The following CACNG2 variants were observed in gnomAD, a reference collection of about 807,000 sequenced individuals.
CACNG2 encodes the protein voltage-dependent calcium channel gamma-2 subunit.
A neutral mutation model predicts 25.9 loss-of-function variants in CACNG2; 3 were observed. The observed-to-expected ratio is 0.12, with a 90% CI of 0.05 to 0.30. The LOEUF (loss-of-function observed/expected upper bound fraction) is 0.30. Ranked by LOEUF, CACNG2 falls within the 10% of genes least tolerant of loss-of-function variation. CACNG2 has a pLI of 1.00. For missense variants in CACNG2, 341 were observed against 432.5 expected (o/e 0.79, Z 1.88); for synonymous variants, 167 against 173.3 (o/e 0.96, Z 0.29).
chr22:36,660,303 G>A (rs1036828274), intron 1 of CACNG2, among the ~76,000 whole-genome samples: 3 of 151,866 alleles, frequency 2.0e-5, no homozygotes, highest in Non-Finnish European at 3.0e-5. Context: ...TACCCTTGCC[G>A]GGGGGCAGTT....
At chr22:36,664,605 G>C (rs2284002) in intron 1 of CACNG2, among the ~76,000 whole-genome samples, 49,465 of 152,052 alleles carry the variant, frequency 0.33, 8,321 homozygotes, top group Middle Eastern at 0.43. Flanking sequence ...GGAATCTGAA[G>C]CTAGATTTGA....
At chr22:36,660,076 G>C (rs1434540360) in intron 1 of CACNG2, among the ~76,000 whole-genome samples, 1 of 152,246 alleles carries the variant, frequency 6.6e-6, no homozygotes, top group African/African-American at 2.4e-5. Context: ...GGGCCTCCCA[G>C]GTCAGCTCTC....
chr22:36,577,990 G>T (rs887404615), intron 2 of CACNG2, among the ~76,000 whole-genome samples: 6 of 152,086 alleles, frequency 3.9e-5, no homozygotes, highest in Non-Finnish European at 7.4e-5. Flanking sequence ...GTGCCGGGCT[G>T]GGGCAGGTCA....
At chr22:36,619,473 G>T (rs1569031432) in intron 1 of CACNG2, among the ~76,000 whole-genome samples, 2 of 152,222 alleles carry the variant, frequency 1.3e-5, no homozygotes, top group African/African-American at 4.8e-5. Flanking sequence ...TTTTGCCGAA[G>T]TGTCTATTGA....
chr22:36,608,189 T>C (rs1051881362), intron 1 of CACNG2, among the ~76,000 whole-genome samples: 8 of 152,052 alleles, frequency 5.3e-5, no homozygotes, highest in Admixed American at 2.0e-4. Context: ...AAGAGAGAAT[T>C]TCTACAGTAG....
intron 1 of CACNG2, among the ~76,000 whole-genome samples, chr22:36,598,706 C>T (rs1365001045): frequency 1.3e-5 from 2 of 149,516 alleles, no homozygotes; most frequent in Non-Finnish European, 3.0e-5. Flanking sequence ...TGGCCGAGCA[C>T]GGTGGCTCAC....
At chr22:36,691,924 C>T (rs561430285) in intron 1 of CACNG2, among the ~76,000 whole-genome samples, 1 of 152,254 alleles carries the variant, frequency 6.6e-6, no homozygotes, top group Non-Finnish European at 1.5e-5. Context: ...CAAGAGCTAT[C>T]AACACTAGCG....
intron 1 of CACNG2, among the ~76,000 whole-genome samples, chr22:36,622,113 G>C (rs1048520297): frequency 9.9e-5 from 15 of 152,244 alleles, no homozygotes; most frequent in Non-Finnish European, 2.2e-4. Context: ...GAGGCACAGA[G>C]AAGTTTAGTG....
intron 1 of CACNG2, among the ~76,000 whole-genome samples, chr22:36,657,199 G>A (rs1366513098): frequency 1.3e-5 from 2 of 152,212 alleles, no homozygotes; most frequent in Admixed American, 6.5e-5. Flanking sequence ...CATCTTAATG[G>A]TTGATAATTA....
chr22:36,671,409 G>A (rs567427774), intron 1 of CACNG2, among the ~76,000 whole-genome samples: 2 of 152,240 alleles, frequency 1.3e-5, no homozygotes, highest in South Asian at 4.1e-4. Flanking sequence ...ATTGACAGCT[G>A]ATTGGCTTAA....
intron 1 of CACNG2, among the ~76,000 whole-genome samples, chr22:36,632,187 A>T (rs188258799): frequency 0.068 from 10,211 of 149,800 alleles, 669 homozygotes; most frequent in African/African-American, 0.17. Context: ...TTTTTTTTTA[A>T]AAAAATGAGA....
intron 2 of CACNG2, among the ~76,000 whole-genome samples, chr22:36,586,092 C>T (rs992345078): frequency 6.6e-6 from 1 of 152,270 alleles, no homozygotes; most frequent in African/African-American, 2.4e-5. Flanking sequence ...CCCCCTTCTA[C>T]ATTCAGGCCT....
intron 1 of CACNG2, among the ~76,000 whole-genome samples, chr22:36,659,833 C>T (rs958505788): frequency 6.6e-5 from 10 of 152,074 alleles, no homozygotes; most frequent in African/African-American, 2.4e-4. Flanking sequence ...CCTCCCCCAG[C>T]CTGCCACCCC....
At chr22:36,678,982 G>A (rs537662119) in intron 1 of CACNG2, among the ~76,000 whole-genome samples, 30 of 152,270 alleles carry the variant, frequency 2.0e-4, no homozygotes, top group Admixed American at 2.6e-4. Context: ...ATCAATGCTC[G>A]CAGCACAGCA....
intron 1 of CACNG2, among the ~76,000 whole-genome samples, chr22:36,650,508 G>A (rs539209344): frequency 6.6e-6 from 1 of 151,884 alleles, no homozygotes; most frequent in East Asian, 1.9e-4. Context: ...AGTATAGCTG[G>A]GACTATAAGC....
At chr22:36,648,587 C>T (rs757963978) in intron 1 of CACNG2, among the ~76,000 whole-genome samples, 1 of 152,120 alleles carries the variant, frequency 6.6e-6, no homozygotes, top group South Asian at 2.1e-4. Flanking sequence ...TTCTGACCTC[C>T]TACTTCACCC....
chr22:36,608,658 A>C (rs909179641), intron 1 of CACNG2, among the ~76,000 whole-genome samples: 9 of 151,830 alleles, frequency 5.9e-5, no homozygotes, highest in Admixed American at 4.6e-4. Context: ...TGATGCTATC[A>C]GACTACCTGG....
At chr22:36,593,225 C>A (rs1003513571) in intron 1 of CACNG2, among the ~76,000 whole-genome samples, 2 of 152,168 alleles carry the variant, frequency 1.3e-5, no homozygotes, top group South Asian at 4.1e-4. Context: ...TGAGGCAGCA[C>A]CGGCACATCA....
rs1047508316 is a variant in CACNG2 at position 36,703,084 on chromosome 22, G to A, written c.-508C>T. The A allele has an allele frequency of 6.3e-6, 1 of 157,934 alleles. No homozygotes were observed. The highest frequency in any genetic ancestry group is 2.4e-5 in the African/African-American group (1 of 41,468). The allele number at this position is 157,934 out of a possible 1,614,324, so 9.8% of individuals were successfully genotyped here. A position where few individuals can be genotyped will look rare whatever the true frequency, so the allele number is the denominator to read the frequency against. The stretch of plus-strand genomic sequence containing the variant: ...ACCTTCGGTCTTCGTTCTCGGCTCT[G>A]CGGCCTGCGCCATGAAAATCCTTTG... On this transcript the variant is annotated 5_prime_UTR_variant, in exon 1 of 4. Transcript: ENST00000300105.
Sources: allele counts gnomAD v4.1 joint callset (sites outside exome capture counted in the v4.1 genomes callset), GRCh38; gene constraint gnomAD v4.1.1; transcripts MANE v1.5; gene names NCBI Gene and HGNC (gene_info 2026-07-23, HGNC 2026-07-21).